The following NPC1 variants were observed in gnomAD, a reference collection of about 807,000 sequenced individuals.
NPC1 encodes the protein Niemann-Pick C1 protein.
A neutral mutation model predicts 140.4 loss-of-function variants in NPC1; 85 were observed. That is an observed-to-expected ratio of 0.61 (90% CI 0.51 to 0.72). The LOEUF is 0.72. NPC1 is among the 30% of genes least tolerant of loss of function. The pLI, the probability that NPC1 is intolerant of heterozygous loss-of-function variation, is 0.00. For synonymous variants in NPC1, 656 were observed against 624.8 expected (o/e 1.05, Z -0.74); for missense variants, 1,504 against 1,623.8 (o/e 0.93, Z 1.27).
At position 23,586,393 on chromosome 18, in the gene NPC1, C is replaced by A; in HGVS notation, c.-50G>T. ...CGCCGGCGGCGTTCGGCTGGTTGGGCTCCCCGGAGGCGGCTCTACTTCCCC... is the reference window on the plus strand; with the variant it reads ...CGCCGGCGGCGTTCGGCTGGTTGGGATCCCCGGAGGCGGCTCTACTTCCCC... On this transcript the variant is annotated 5_prime_UTR_variant, in exon 1 of 25. Transcript: ENST00000269228. 1 of 1,529,852 alleles carries A rather than the reference C, an allele frequency of 6.5e-7. No individual in the cohort carries two copies. 94.8% of individuals were successfully genotyped at this position (1,529,852 alleles called of 1,614,324 possible). A position where few individuals can be genotyped will look rare whatever the true frequency, so the allele number is the denominator to read the frequency against.
chr18:23,535,393 A>T, intron 22 of NPC1, 76 bp downstream of exon 22: 1 of 1,045,992 alleles, frequency 9.6e-7, no homozygotes. Context: ...TTTAGGGTTT[A>T]CATGGAATCT....
intron 3 of NPC1, chr18:23,516,487 A>T: frequency 6.5e-7 from 1 of 1,543,216 alleles, no homozygotes; most frequent in South Asian, 1.1e-5. Flanking sequence ...TAATAGAAGG[A>T]GTGTGTTACA....
Position 23,539,064 on chromosome 18 carries a change from A to G in NPC1, c.2911+291T>C, listed in dbSNP as rs1039124688. On this transcript the variant is annotated intron_variant, in intron 19 of 24. Coordinates refer to ENST00000269228, the MANE Select transcript of NPC1 (RefSeq NM_000271.5). ...CTCCTCTGAGAAGCTAAGGCCAGAT[A>G]CCAATCCTGAGAGGCAATCGCTGGA... The G allele has an allele frequency of 7.6e-5, 36 of 476,324 alleles. 1 individual carries two copies. Among genetic ancestry groups the G allele is most frequent in the South Asian group, 1.3e-4 (6 of 47,626 alleles). 29.5% of individuals were successfully genotyped at this position (476,324 alleles called of 1,614,324 possible).
chr18:23,535,568 G>C lies in NPC1; in HGVS notation c.3378C>G (p.Ile1126Met), dbSNP rs777004814. 3 of 1,614,030 alleles carry C rather than the reference G, an allele frequency of 1.9e-6. No homozygotes were observed. The highest frequency in any genetic ancestry group is 2.7e-5 in the African/African-American group (2 of 74,914). The change falls in exon 22 of 25, where the codon ATC becomes ATG. Residue 1126 changes from isoleucine (I) to methionine (M), a missense_variant. Physicochemically the swap from Ile to Met is conservative, Grantham distance 10. Coordinates refer to ENST00000269228, the MANE Select transcript of NPC1 (RefSeq NM_000271.5). The stretch of plus-strand genomic sequence containing the variant: ...AGACCATGGCGATGGTGGCACACAT[G>C]ATGACTGCAGACCAGAGCTCACAGC... ...LLGCELWSAV[I>M]MCATIAMVLV...
downstream of NPC1, chr18:23,518,836 C>A: frequency 6.6e-7 from 1 of 1,525,230 alleles, no homozygotes; most frequent in Non-Finnish European, 9.1e-7. Context: ...CCATTTAGAA[C>A]AAAGGAATTT....
chr18:23,531,125 G>A (rs2058489206), downstream of NPC1, among the ~76,000 whole-genome samples: 1 of 152,002 alleles, frequency 6.6e-6, no homozygotes, highest in Admixed American at 6.6e-5. Context: ...TGAGTAGTTG[G>A]GACTACAGGT....
intron 22 of NPC1, among the ~76,000 whole-genome samples, chr18:23,535,161 T>C (rs1353398742): frequency 6.6e-6 from 1 of 152,098 alleles, no homozygotes; most frequent in Non-Finnish European, 1.5e-5. Flanking sequence ...CACATTTCCA[T>C]GGTCAGAGGC....
At chr18:23,529,441 T>C, downstream of NPC1, 2 of 1,378,194 alleles carry the variant, frequency 1.5e-6, no homozygotes, top group South Asian at 1.5e-5. Flanking sequence ...CTAGAGCTGG[T>C]AGTTTGGCTT....
downstream of NPC1, among the ~76,000 whole-genome samples, chr18:23,521,778 G>A (rs1369721814): frequency 3.3e-5 from 5 of 150,678 alleles, no homozygotes; most frequent in African/African-American, 4.9e-5. Flanking sequence ...CTGCAGGTTT[G>A]CTTTCTTCTG....
At chr18:23,530,048 T>C (rs145349229), downstream of NPC1, 8 of 1,614,188 alleles carry the variant, frequency 5.0e-6, no homozygotes, top group Non-Finnish European at 6.8e-6. Context: ...ATGAACTTGT[T>C]ATCAAAACCC....
At chr18:23,536,624 G>A in intron 21 of NPC1, 49 bp downstream of exon 21, 1 of 1,539,242 alleles carries the variant, frequency 6.5e-7, no homozygotes, top group South Asian at 1.2e-5. Flanking sequence ...CTCCCACCCA[G>A]TGTAGGCCCT....
At chr18:23,525,915 T>C (rs117714375), downstream of NPC1, among the ~76,000 whole-genome samples, 741 of 152,380 alleles carry the variant, frequency 4.9e-3, 1 homozygote, top group Non-Finnish European at 7.7e-3. Flanking sequence ...CCACTGTATG[T>C]AATGCATTGT....
chr18:23,573,563 C>G lies in NPC1; in HGVS notation c.69G>C (p.Gln23His), dbSNP rs2059233522. The change falls in exon 2 of 25, where the codon CAG becomes CAC. Residue 23 changes from glutamine to histidine, a missense_variant. Coordinates refer to ENST00000269228, the MANE Select transcript of NPC1 (RefSeq NM_000271.5). ...CACACTCTCCATACCAAACACAGGA[C>G]TGTGAAAACACCTACAGAAAGTCAA... is the stretch of plus-strand genomic sequence containing the variant. ...LLLCPAQVFS[Q>H]SCVWYGECGI... The G allele has an allele frequency of 6.2e-6, 10 of 1,614,178 alleles. No homozygotes were observed. The highest frequency in any genetic ancestry group is 7.6e-6 in the Non-Finnish European group (9 of 1,180,018).
rs2058930642 is a variant in NPC1 at position 23,555,077 on chromosome 18, CAA to C, written c.1327-95_1327-94del. 13 of 835,358 alleles carry C rather than the reference CAA, an allele frequency of 1.6e-5. No homozygotes were observed. In the South Asian group the frequency reaches 1.6e-4, roughly 10 times the overall value. The allele number at this position is 835,358 out of a possible 1,614,324, so 51.7% of individuals were successfully genotyped here. ...CAGCATTGCCCTGAGGGTCAGAAGA[CAA>C]AGAGTATTTGGGGAAAATACTTCCT... On this transcript the variant is annotated intron_variant, in intron 8 of 24. Coordinates refer to ENST00000269228, the MANE Select transcript of NPC1 (RefSeq NM_000271.5).
Position 23,544,947 on chromosome 18 carries a change from C to T in NPC1, c.1947+13G>A, listed in dbSNP as rs568769965. The T allele has an allele frequency of 5.7e-5, 78 of 1,359,590 alleles. 5 individuals carry two copies. The highest frequency in any genetic ancestry group is 4.1e-4 in the Admixed American group (23 of 56,390). The allele number at this position is 1,359,590 out of a possible 1,614,324, so 84.2% of individuals were successfully genotyped here. Reference sequence around the variant, plus strand: ...TTAACCTCTAGAACATACACCACCCCCCCCCGGCTTACCAGAAGCCTGCGA... The same window carrying T: ...TTAACCTCTAGAACATACACCACCCTCCCCCGGCTTACCAGAAGCCTGCGA... On this transcript the variant is annotated intron_variant, in intron 12 of 24. Coordinates refer to ENST00000269228, the MANE Select transcript of NPC1 (RefSeq NM_000271.5).
At chr18:23,527,930 C>G, downstream of NPC1, 7 of 1,521,462 alleles carry the variant, frequency 4.6e-6, no homozygotes, top group Non-Finnish European at 5.4e-6. Flanking sequence ...GACAAAGGGT[C>G]CTCCTCCCCC....
At chr18:23,556,136 T>A (rs142641697) in intron 8 of NPC1, 107 bp downstream of exon 8, 2 of 992,512 alleles carry the variant, frequency 2.0e-6, no homozygotes, top group African/African-American at 1.6e-5. Context: ...TTTCAAGATA[T>A]ACCATGACAT....
chr18:23,510,533 G>C (rs1206630700), intron 3 of NPC1, among the ~76,000 whole-genome samples: 1 of 152,086 alleles, frequency 6.6e-6, no homozygotes, highest in African/African-American at 2.4e-5. Flanking sequence ...TGTAATCCCA[G>C]CTACTAGGGA....
chr18:23,560,440 G>A lies in NPC1; in HGVS notation c.672C>T (p.Thr224=), dbSNP rs146370165. Residue 224 remains threonine, a synonymous_variant, in exon 6 of 25, where the codon ACC becomes ACT. Coordinates refer to ENST00000269228, the MANE Select transcript of NPC1 (RefSeq NM_000271.5). The part of the protein sequence containing the change: ...VHGMEPMNNA[T]KGCDESVDEV... Reference sequence around the variant, plus strand: ...CATCCACAGACTCGTCACAGCCTTTGGTGGCATTGTTCATGGGCTCCATCC... The same window carrying A: ...CATCCACAGACTCGTCACAGCCTTTAGTGGCATTGTTCATGGGCTCCATCC... 1 of 1,614,008 alleles carries A rather than the reference G, an allele frequency of 6.2e-7. No homozygotes were observed. Among genetic ancestry groups the A allele is most frequent in the Non-Finnish European group, 8.5e-7 (1 of 1,180,012 alleles).
Sources: gnomAD v4.1 joint callset for allele counts (sites outside exome capture counted in the v4.1 genomes callset) on GRCh38, gnomAD v4.1.1 for gene constraint, MANE v1.5 for transcripts, NCBI Gene and HGNC (gene_info 2026-07-23, HGNC 2026-07-21) for gene names.